ADCY2: variants seen among roughly 807,000 people sequenced by gnomAD.
The protein encoded by ADCY2 is adenylate cyclase type 2.
A neutral mutation model predicts 125.2 loss-of-function variants in ADCY2; 31 were observed. The ratio of observed to expected loss-of-function variants is 0.25; its 90% CI spans 0.19 to 0.33. ADCY2 has a LOEUF of 0.33. Among genes scored for constraint, ADCY2 ranks in the 10% least tolerant of loss-of-function variants. ADCY2 has a pLI of 1.00. For missense variants in ADCY2, 904 were observed against 1,418.2 expected, an observed-to-expected ratio of 0.64 and a Z score of 5.82; for synonymous variants, 512 against 548.4, an observed-to-expected ratio of 0.93 and a Z score of 0.93.
intron 18 of ADCY2, among the ~76,000 whole-genome samples, chr5:7,778,771 G>C (rs987643803): frequency 7.2e-5 from 11 of 152,132 alleles, no homozygotes; most frequent in Non-Finnish European, 1.5e-4. Flanking sequence ...GTCCTAACGA[G>C]GGATTGATTG....
chr5:7,813,714 A>C (rs1335451310), intron 22 of ADCY2, among the ~76,000 whole-genome samples: 1 of 152,224 alleles, frequency 6.6e-6, no homozygotes. Flanking sequence ...ATTAAACTTC[A>C]TTCCCAGAAC....
chr5:7,659,267 T>C (rs1323031229), intron 4 of ADCY2, among the ~76,000 whole-genome samples: 3 of 152,250 alleles, frequency 2.0e-5, no homozygotes, highest in African/African-American at 7.2e-5. Flanking sequence ...AAATAATGTG[T>C]AACTTAACTA....
intron 4 of ADCY2, among the ~76,000 whole-genome samples, chr5:7,677,943 A>C (rs1373578952): frequency 6.6e-6 from 1 of 152,214 alleles, no homozygotes; most frequent in Non-Finnish European, 1.5e-5. Flanking sequence ...CATAAGATTT[A>C]ATATTTTACC....
intron 3 of ADCY2, among the ~76,000 whole-genome samples, chr5:7,530,668 G>A (rs1371874657): frequency 6.6e-6 from 1 of 151,986 alleles, no homozygotes; most frequent in Non-Finnish European, 1.5e-5. Context: ...TGAAATTCCT[G>A]GTGGCTTCAT....
intron 12 of ADCY2, among the ~76,000 whole-genome samples, chr5:7,719,091 G>A (rs1227854518): frequency 6.6e-6 from 1 of 152,198 alleles, no homozygotes; most frequent in Non-Finnish European, 1.5e-5. Context: ...ATTTTTGTAT[G>A]CACCTTTTGG....
chr5:7,562,622 C>T (rs915899447), intron 3 of ADCY2, among the ~76,000 whole-genome samples: 1 of 152,088 alleles, frequency 6.6e-6, no homozygotes, highest in African/African-American at 2.4e-5. Context: ...CAGACACACA[C>T]GTGTACACAG....
intron 2 of ADCY2, among the ~76,000 whole-genome samples, chr5:7,483,810 T>C (rs73046332): frequency 0.026 from 3,955 of 152,310 alleles, 159 homozygotes; most frequent in African/African-American, 0.091. Context: ...CAAATCTGGT[T>C]CAATACACAA....
chr5:7,491,255 G>T (rs1743152719), intron 2 of ADCY2, among the ~76,000 whole-genome samples: 2 of 151,682 alleles, frequency 1.3e-5, no homozygotes, highest in East Asian at 1.9e-4. Context: ...AATTAAAAAT[G>T]ATTTTTTTTT....
chr5:7,535,198 G>A (rs1846682), intron 3 of ADCY2, among the ~76,000 whole-genome samples: 2,466 of 152,148 alleles, frequency 0.016, 87 homozygotes, highest in African/African-American at 0.056. Flanking sequence ...CTGCCACCAC[G>A]CCCAGCTAAT....
intron 1 of ADCY2, among the ~76,000 whole-genome samples, chr5:7,398,949 A>C (rs1414002467): frequency 6.6e-6 from 1 of 152,234 alleles, no homozygotes; most frequent in Non-Finnish European, 1.5e-5. Context: ...GAACATTTGA[A>C]GGTAGAATAG....
intron 10 of ADCY2, among the ~76,000 whole-genome samples, chr5:7,710,174 C>G (rs1316857592): frequency 1.3e-5 from 2 of 152,186 alleles, no homozygotes; most frequent in Non-Finnish European, 2.9e-5. Flanking sequence ...GGGCCCCCAC[C>G]TGTCCCAAGG....
At chr5:7,442,204 G>A (rs1324139241) in intron 2 of ADCY2, among the ~76,000 whole-genome samples, 2 of 152,156 alleles carry the variant, frequency 1.3e-5, no homozygotes, top group Non-Finnish European at 2.9e-5. Flanking sequence ...GCATTTGCAT[G>A]TTGTGCCTCC....
chr5:7,479,519 A>G (rs949663066), intron 2 of ADCY2, among the ~76,000 whole-genome samples: 1 of 152,122 alleles, frequency 6.6e-6, no homozygotes, highest in African/African-American at 2.4e-5. Flanking sequence ...TAGGCATGCA[A>G]TGCATAATAA....
At chr5:7,641,538 C>T (rs1738714094) in intron 4 of ADCY2, among the ~76,000 whole-genome samples, 1 of 152,038 alleles carries the variant, frequency 6.6e-6, no homozygotes, top group Admixed American at 6.6e-5. Flanking sequence ...GCAAGATTAT[C>T]ACCAATGATA....
intron 2 of ADCY2, among the ~76,000 whole-genome samples, chr5:7,506,789 CTTTTTTTTTTTTTTT>C (rs70940743): frequency 5.5e-5 from 3 of 55,020 alleles, no homozygotes; most frequent in African/African-American, 2.3e-4. Flanking sequence ...ATGCGTTGCT[CTTTTTTTTTTTTTTT>C]TTTTTTTTTT....
chr5:7,623,076 A>G lies in ADCY2; in HGVS notation c.571-3091A>G, dbSNP rs16878838. On this transcript the variant is annotated intron_variant, in intron 3 of 24. Transcript: ENST00000338316. ...CACATTCCAGAGGATAGAGACTCAT[A>G]TTGGAGTGTCAGTGTCGGTATCAAA... is the stretch of plus-strand genomic sequence containing the variant. Among the ~76,000 whole-genome samples, 1,114 of 152,320 alleles carry G rather than the reference A, an allele frequency of 7.3e-3. 10 individuals carry two copies. The highest frequency in any genetic ancestry group is 0.025 in the African/African-American group (1,049 of 41,572).
chr5:7,623,376 G>T (rs1218676779), intron 3 of ADCY2, among the ~76,000 whole-genome samples: 1 of 152,132 alleles, frequency 6.6e-6, no homozygotes, highest in Non-Finnish European at 1.5e-5. Flanking sequence ...CTCATTTCCT[G>T]CATTCTTTGG....
At chr5:7,568,706 T>G (rs1022856251) in intron 3 of ADCY2, among the ~76,000 whole-genome samples, 1 of 152,210 alleles carries the variant, frequency 6.6e-6, no homozygotes, top group Non-Finnish European at 1.5e-5. Flanking sequence ...ATTTTCTAGT[T>G]AAATCAAAAA....
Position 7,826,897 on chromosome 5 carries a change from G to C in ADCY2, c.*26G>C. 6.3e-7 allele frequency: 1 copy of C among 1,578,498 alleles called. No homozygotes were observed. Among genetic ancestry groups the C allele is most frequent in the Non-Finnish European group, 8.6e-7 (1 of 1,165,880 alleles). ...AGAGTCACCTTCATTTTGGCAAGAA[G>C]ACTGTATTTTCAGGAAGGTATCACA... On this transcript the variant is annotated 3_prime_UTR_variant, in exon 25 of 25. Transcript: ENST00000338316.
Sources: gnomAD v4.1 joint callset for allele counts (sites outside exome capture counted in the v4.1 genomes callset) on GRCh38, gnomAD v4.1.1 for gene constraint, MANE v1.5 for transcripts, NCBI Gene and HGNC (gene_info 2026-07-23, HGNC 2026-07-21) for gene names.